The following KIF15 variants were observed in gnomAD, a reference collection of about 807,000 sequenced individuals.
KIF15 encodes the protein kinesin family member 15, also known as kinesin-like protein KIF15.
In KIF15, 140 loss-of-function variants were observed where a neutral mutation model predicts 190.6. The observed-to-expected ratio is 0.73, with a 90% CI of 0.64 to 0.84. KIF15 has a LOEUF of 0.84. Ranked by LOEUF, KIF15 falls within the 40% of genes least tolerant of loss-of-function variation. The probability of loss-of-function intolerance (pLI) is 0.00; values close to 1 mark genes in which losing one functional copy is unlikely to be tolerated. For missense variants in KIF15, 1,372 were observed against 1,584.4 expected, an observed-to-expected ratio of 0.87 and a Z score of 2.28; for synonymous variants, 528 against 551.3, an observed-to-expected ratio of 0.96 and a Z score of 0.59.
intron 7 of KIF15, 42 bp from the exon 8 acceptor site, chr3:44,794,175 C>G: frequency 6.6e-7 from 1 of 1,526,310 alleles, no homozygotes. Flanking sequence ...GCCACTGTAA[C>G]TGGTCCTCTC....
intron 27 of KIF15, 151 bp from the exon 28 acceptor site, chr3:44,840,204 A>G: frequency 1.9e-6 from 1 of 512,846 alleles, no homozygotes; most frequent in Non-Finnish European, 3.4e-6. Context: ...CTTTTTGATG[A>G]TAGCCATCCC....
downstream of KIF15, among the ~76,000 whole-genome samples, chr3:44,854,771 T>C (rs1699168057): frequency 6.6e-6 from 1 of 152,186 alleles, no homozygotes; most frequent in African/African-American, 2.4e-5. Flanking sequence ...GGAGAATCTG[T>C]TCCATGCCTT....
At position 44,810,936 on chromosome 3, in the gene KIF15, A is replaced by C; in HGVS notation, c.2062A>C (p.Thr688Pro). ...AATGGGAAGCTTTGGCTCTCTATAC[A>C]CTCAGAATTCTAGCATATTAGATAA... ...PEMGSFGSLY[T>P]QNSSILDNDI... Residue 688 changes from threonine to proline, a missense_variant, in exon 17 of 35, where the codon ACT becomes CCT. By Grantham distance (38) the Thr-to-Pro change is conservative. Transcript: ENST00000326047. 6.2e-7 allele frequency: 1 copy of C among 1,613,716 alleles called. No individual in the cohort carries two copies. The highest frequency in any genetic ancestry group is 8.5e-7 in the Non-Finnish European group (1 of 1,179,798).
At chr3:44,778,409 T>G (rs1436722820) in intron 4 of KIF15, among the ~76,000 whole-genome samples, 1 of 152,100 alleles carries the variant, frequency 6.6e-6, no homozygotes, top group East Asian at 1.9e-4. Flanking sequence ...TCTGGAAAAT[T>G]TGTTTCTTTG....
At chr3:44,803,180 A>G (rs1211032911) in intron 14 of KIF15, among the ~76,000 whole-genome samples, 189 bp downstream of exon 14, 1 of 152,260 alleles carries the variant, frequency 6.6e-6, no homozygotes, top group Non-Finnish European at 1.5e-5. Context: ...ATCACAGAGC[A>G]TAAACTACGT....
chr3:44,847,870 T>C (rs541456981), intron 30 of KIF15, 115 bp from the exon 31 acceptor site: 27 of 724,300 alleles, frequency 3.7e-5, no homozygotes, highest in Middle Eastern at 2.5e-4. Flanking sequence ...AGAGTTAGCC[T>C]TTCTTTGTAC....
chr3:44,846,578 GCCTGACTAACATGGTGAAAC>G (rs1325279435), intron 30 of KIF15, among the ~76,000 whole-genome samples: 1 of 152,108 alleles, frequency 6.6e-6, no homozygotes, highest in Non-Finnish European at 1.5e-5. Context: ...TTTGAGACCA[GCCTGACTAACATGGTGAAAC>G]CCTGTCTCTA....
rs1706872350 is a variant in KIF15, at chr3:44,794,433, A to T, written c.849+7A>T. The T allele has an allele frequency of 1.3e-6, 2 of 1,572,648 alleles. No individual in the cohort carries two copies. Among genetic ancestry groups the T allele is most frequent in the Non-Finnish European group, 1.7e-6 (2 of 1,157,142 alleles). ...AGAAGGGATGAGATTGAAGGTAAGA[A>T]TGAAATTATGGTCTTCAACTTGTGT... On this transcript the variant is annotated splice_region_variant and intron_variant, in intron 8 of 34. Coordinates refer to ENST00000326047, the MANE Select transcript of KIF15 (RefSeq NM_020242.3).
Position 44,840,362 on chromosome 3 carries a change from A to G in KIF15, c.3326A>G (p.Gln1109Arg). Residue 1109 changes from glutamine (Q) to arginine (R), a missense_variant, in exon 28 of 35, where the codon CAA (glutamine) becomes CGA (arginine). Gln to Arg is a conservative substitution (Grantham distance 43). Coordinates refer to ENST00000326047, the MANE Select transcript of KIF15 (RefSeq NM_020242.3). Reference protein sequence around the residue: ...LIQELQHKLNQKKEEVEQKKN... With the variant: ...LIQELQHKLNRKKEEVEQKKN... ...TCTGTTCAATTTTCCCAGCTAAACC[A>G]AAAGAAAGAGGAAGTAGAACAGAAG... 6.2e-7 allele frequency: 1 copy of G among 1,600,438 alleles called. No individual in the cohort carries two copies. The highest frequency in any genetic ancestry group is 1.7e-5 in the Admixed American group (1 of 57,660).
At chr3:44,831,631 G>A (rs1698077486) in intron 26 of KIF15, among the ~76,000 whole-genome samples, 1 of 152,096 alleles carries the variant, frequency 6.6e-6, no homozygotes, top group Non-Finnish European at 1.5e-5. Context: ...TAAAAATTAA[G>A]CAGTACAGGT....
chr3:44,798,342 TTTAA>T (rs1707094371), intron 10 of KIF15, among the ~76,000 whole-genome samples: 1 of 151,318 alleles, frequency 6.6e-6, no homozygotes, highest in African/African-American at 2.4e-5. Context: ...TTTTTATTTT[TTTAA>T]TTTTTATTTT....
At chr3:44,820,223 G>A (rs1392233139) in intron 20 of KIF15, among the ~76,000 whole-genome samples, 2 of 151,708 alleles carry the variant, frequency 1.3e-5, no homozygotes, top group African/African-American at 4.8e-5. Flanking sequence ...TTTTAATTGG[G>A]GCATTTAGCC....
intron 25 of KIF15, among the ~76,000 whole-genome samples, chr3:44,830,353 G>A (rs747095907): frequency 1.3e-5 from 2 of 152,110 alleles, no homozygotes; most frequent in Non-Finnish European, 2.9e-5. Flanking sequence ...TGGGAATGCC[G>A]GTATAAACTG....
At chr3:44,806,218 A>G (rs1199589936) in intron 16 of KIF15, among the ~76,000 whole-genome samples, 3 of 152,190 alleles carry the variant, frequency 2.0e-5, no homozygotes, top group Admixed American at 6.5e-5. Flanking sequence ...CGAATGTGCC[A>G]TTAACTTTAG....
At chr3:44,786,722 A>G (rs1706425255) in intron 7 of KIF15, 148 bp downstream of exon 7, 2 of 582,452 alleles carry the variant, frequency 3.4e-6, no homozygotes, top group Non-Finnish European at 5.4e-6. Context: ...ATAAAATAAT[A>G]TGGCAGTATT....
In KIF15 at chr3:44,830,066, G is replaced by A. The variant is rs754891112; in HGVS notation, c.3039G>A (p.Lys1013=). The change falls in exon 25 of 35, where the codon AAG becomes AAA. Residue 1013 remains lysine (K), a synonymous_variant. Transcript: ENST00000326047. ...ETIDTLKQEL[K]DINCKYNSAL... ...TAGACACCCTGAAACAAGAACTGAA[G>A]GACATAAATGTAAGTTCGGTCACCA... 6.4e-6 allele frequency: 10 copies of A among 1,569,922 alleles called. No individual in the cohort carries two copies. The highest frequency in any genetic ancestry group is 1.2e-5 in the South Asian group (1 of 86,254).
chr3:44,856,051 T>G (rs1699184708), downstream of KIF15, among the ~76,000 whole-genome samples: 1 of 152,192 alleles, frequency 6.6e-6, no homozygotes, highest in Non-Finnish European at 1.5e-5. Flanking sequence ...GAGAAACTGC[T>G]TGGGTGATTT....
rs1216624091 is a variant in KIF15 at position 44,800,487 on chromosome 3, A to G, written c.1222+50A>G. On this transcript the variant is annotated intron_variant, in intron 11 of 34. Transcript: ENST00000326047. ...TCTTGGGGAAGACTGTACAAATAAT[A>G]GTTTAAGAGCCCTTGGTGATAGACA... The G allele has an allele frequency of 1.9e-6, 3 of 1,582,106 alleles. No homozygotes were observed. In the South Asian group the frequency reaches 3.5e-5, roughly 18 times the overall value.
chr3:44,809,885 G>C (rs1324892386), intron 16 of KIF15, among the ~76,000 whole-genome samples: 1 of 152,034 alleles, frequency 6.6e-6, no homozygotes, highest in Non-Finnish European at 1.5e-5. Context: ...TGGCCAACAT[G>C]GTGAAACCCC....
Sources: allele counts gnomAD v4.1 joint callset (sites outside exome capture counted in the v4.1 genomes callset), GRCh38; gene constraint gnomAD v4.1.1; transcripts MANE v1.5; gene names NCBI Gene and HGNC (gene_info 2026-07-23, HGNC 2026-07-21).